The following EBF2 variants were observed in gnomAD, a reference collection of about 807,000 sequenced individuals.
EBF2 encodes transcription factor COE2.
Under a neutral mutation model 72.8 loss-of-function variants are expected in EBF2, and 21 were observed. The ratio of observed to expected loss-of-function variants is 0.29; its 90% CI spans 0.20 to 0.42. EBF2 has a LOEUF of 0.42. EBF2 is among the 10% of genes least tolerant of loss of function. The probability of loss-of-function intolerance (pLI) is 1.00; values close to 1 mark genes in which losing one functional copy is unlikely to be tolerated. For synonymous variants in EBF2, 299 were observed against 274.2 expected, an observed-to-expected ratio of 1.09 and a Z score of -0.89; for missense variants, 637 against 731.2, an observed-to-expected ratio of 0.87 and a Z score of 1.49.
intron 6 of EBF2, among the ~76,000 whole-genome samples, chr8:25,934,516 A>C (rs1291624411): frequency 6.6e-6 from 1 of 152,314 alleles, no homozygotes; most frequent in East Asian, 1.9e-4. Context: ...AGTTGGAAGC[A>C]CACGAATCCA....
chr8:26,031,985 C>A (rs7835016), intron 6 of EBF2: 40,836 of 152,076 alleles, frequency 0.27, 5,759 homozygotes, highest in East Asian at 0.35. Context: ...CTATACACAT[C>A]CAACAAACAT....
At chr8:25,999,337 T>C (rs975960874) in intron 6 of EBF2, among the ~76,000 whole-genome samples, 1 of 152,162 alleles carries the variant, frequency 6.6e-6, no homozygotes, top group African/African-American at 2.4e-5. Context: ...AATGAAGATA[T>C]AAATAAATAT....
chr8:25,899,852 C>T (rs965371412), intron 7 of EBF2, among the ~76,000 whole-genome samples: 1 of 139,894 alleles, frequency 7.1e-6, no homozygotes, highest in East Asian at 1.9e-4. Context: ...CTCACATGAT[C>T]CAACCACCCT....
At chr8:25,924,219 G>A (rs1475379193) in intron 6 of EBF2, among the ~76,000 whole-genome samples, 1 of 152,176 alleles carries the variant, frequency 6.6e-6, no homozygotes, top group African/African-American at 2.4e-5. Flanking sequence ...GAGATGCTGG[G>A]AGAATTACTT....
intron 6 of EBF2, among the ~76,000 whole-genome samples, chr8:25,983,590 C>T (rs1804398710): frequency 6.6e-6 from 1 of 152,214 alleles, no homozygotes; most frequent in African/African-American, 2.4e-5. Context: ...GTTCCTAACA[C>T]TACCCAGGAA....
At chr8:25,893,448 A>T (rs932726733) in intron 7 of EBF2, among the ~76,000 whole-genome samples, 1 of 151,718 alleles carries the variant, frequency 6.6e-6, no homozygotes, top group Non-Finnish European at 1.5e-5. Context: ...CACCACACCC[A>T]GCTAATTTTT....
At chr8:25,996,553 C>A (rs555265011) in intron 6 of EBF2, among the ~76,000 whole-genome samples, 1 of 151,458 alleles carries the variant, frequency 6.6e-6, no homozygotes, top group Admixed American at 6.6e-5. Context: ...CAAAACTGCA[C>A]ACAGAGGAAA....
intron 6 of EBF2, among the ~76,000 whole-genome samples, chr8:25,911,073 G>A (rs1803121183): frequency 6.6e-6 from 1 of 151,890 alleles, no homozygotes; most frequent in African/African-American, 2.4e-5. Context: ...CATGCTCAGG[G>A]TCTTGATACA....
chr8:25,978,245 C>T (rs1316992254), intron 6 of EBF2, among the ~76,000 whole-genome samples: 3 of 151,712 alleles, frequency 2.0e-5, no homozygotes, highest in Non-Finnish European at 4.4e-5. Context: ...CCAGGGAAGC[C>T]CCAGGCCCAC....
At chr8:25,855,957 CT>C (rs2117255320) in intron 14 of EBF2, among the ~76,000 whole-genome samples, 1 of 152,248 alleles carries the variant, frequency 6.6e-6, no homozygotes, top group South Asian at 2.1e-4. Flanking sequence ...TGTCTACCAT[CT>C]CATTTTAATG....
intron 6 of EBF2, among the ~76,000 whole-genome samples, chr8:25,947,384 CAATT>C (rs1283967505): frequency 7.2e-5 from 11 of 152,168 alleles, no homozygotes; most frequent in Non-Finnish European, 1.3e-4. Flanking sequence ...AACGGTGAGT[CAATT>C]AAACCTCTTT....
intron 7 of EBF2, among the ~76,000 whole-genome samples, chr8:25,901,270 A>C (rs1261661556): frequency 2.0e-5 from 3 of 151,982 alleles, no homozygotes; most frequent in Non-Finnish European, 4.4e-5. Flanking sequence ...AAAAATACAA[A>C]AATTAGCCAG....
chr8:26,016,323 A>G (rs149090116), intron 6 of EBF2, among the ~76,000 whole-genome samples: 82 of 152,356 alleles, frequency 5.4e-4, no homozygotes, highest in African/African-American at 1.9e-3. Flanking sequence ...CAGGAGGCAG[A>G]TATCAGCAAA....
rs140724666 is a variant in EBF2, at chr8:26,007,796, G to GCA, written c.551+25287_551+25288dup. 2.1e-3 allele frequency among the ~76,000 whole-genome samples: 320 copies of GCA among 150,330 alleles called. 1 individual carries two copies. Among genetic ancestry groups the GCA allele is most frequent in the African/African-American group, 7.3e-3 (298 of 40,966 alleles). On this transcript the variant is annotated intron_variant, in intron 6 of 15. Coordinates refer to ENST00000520164, the MANE Select transcript of EBF2 (RefSeq NM_022659.4). ...GTACACTTGCAACTTTTGCACATGT[G>GCA]CACACACACACACACATACACACAC...
intron 6 of EBF2, among the ~76,000 whole-genome samples, chr8:25,997,837 C>A (rs1349593282): frequency 6.6e-6 from 1 of 151,970 alleles, no homozygotes; most frequent in Non-Finnish European, 1.5e-5. Context: ...AATGTTGGTT[C>A]AAATAGCAGT....
At chr8:25,918,248 G>T (rs890877609) in intron 6 of EBF2, among the ~76,000 whole-genome samples, 1 of 152,140 alleles carries the variant, frequency 6.6e-6, no homozygotes, top group Admixed American at 6.5e-5. Flanking sequence ...TTGAGATTGT[G>T]CATCTATGTA....
intron 10 of EBF2, among the ~76,000 whole-genome samples, chr8:25,877,578 T>C (rs1802543828): frequency 6.6e-6 from 1 of 152,168 alleles, no homozygotes; most frequent in Admixed American, 6.5e-5. Context: ...GTCTGGCTAA[T>C]TAACCAGGTA....
intron 5 of EBF2, among the ~76,000 whole-genome samples, chr8:26,039,304 G>C (rs1263180150): frequency 6.6e-6 from 1 of 152,094 alleles, no homozygotes; most frequent in East Asian, 1.9e-4. Context: ...ATCTCTGAAA[G>C]GAAGATGGGA....
intron 6 of EBF2, among the ~76,000 whole-genome samples, chr8:25,919,454 A>G (rs1315807938): frequency 1.3e-5 from 2 of 152,212 alleles, no homozygotes; most frequent in Non-Finnish European, 2.9e-5. Flanking sequence ...TCACTATACT[A>G]TCAGTGGCCA....
Sources: allele counts gnomAD v4.1 joint callset (sites outside exome capture counted in the v4.1 genomes callset), GRCh38; gene constraint gnomAD v4.1.1; transcripts MANE v1.5; gene names NCBI Gene and HGNC (gene_info 2026-07-23, HGNC 2026-07-21).